C14orf39: variants seen among roughly 807,000 people sequenced by gnomAD.
C14orf39 encodes protein SIX6OS1.
In C14orf39, 66 loss-of-function variants were observed where a neutral mutation model predicts 85.6. The ratio of observed to expected loss-of-function variants is 0.77; its 90% CI spans 0.63 to 0.95. The LOEUF (loss-of-function observed/expected upper bound fraction) is 0.95. Ranked by LOEUF, C14orf39 falls within the 40% of genes least tolerant of loss-of-function variation. The probability of loss-of-function intolerance (pLI) is 0.00; values close to 1 mark genes in which losing one functional copy is unlikely to be tolerated. For missense variants in C14orf39, 735 were observed against 663.9 expected (o/e 1.11, Z -1.18); for synonymous variants, 242 against 214.0 (o/e 1.13, Z -1.14).
intron 1 of C14orf39, chr14:60,509,095 G>A (rs1893248451): frequency 2.2e-6 from 1 of 457,420 alleles, no homozygotes; most frequent in African/African-American, 2.1e-5. Flanking sequence ...GAGCCACCCG[G>A]TGACTGACAG....
chr14:60,447,893 A>G (rs1452587535), intron 16 of C14orf39, among the ~76,000 whole-genome samples: 1 of 152,166 alleles, frequency 6.6e-6, no homozygotes, highest in Non-Finnish European at 1.5e-5. Context: ...AACACCACAC[A>G]TGTACAACCA....
chr14:60,457,489 C>T (rs1034063972), intron 14 of C14orf39, among the ~76,000 whole-genome samples: 4 of 151,854 alleles, frequency 2.6e-5, no homozygotes, highest in African/African-American at 9.7e-5. Flanking sequence ...AGCAATCTTG[C>T]TCTCATTGAT....
chr14:60,439,500 C>G (rs1890406915), intron 17 of C14orf39, among the ~76,000 whole-genome samples: 1 of 152,104 alleles, frequency 6.6e-6, no homozygotes, highest in African/African-American at 2.4e-5. Flanking sequence ...AATGTAGTCA[C>G]AGTCACAGAG....
At chr14:60,481,409 C>T (rs1306303675) in intron 4 of C14orf39, among the ~76,000 whole-genome samples, 1 of 152,068 alleles carries the variant, frequency 6.6e-6, no homozygotes, top group African/African-American at 2.4e-5. Flanking sequence ...ATAATCCCAG[C>T]ACTTTGGGAG....
chr14:60,449,808 T>G (rs981600869), intron 16 of C14orf39, among the ~76,000 whole-genome samples: 3 of 152,248 alleles, frequency 2.0e-5, no homozygotes, highest in Non-Finnish European at 4.4e-5. Flanking sequence ...TTTAGGCCTT[T>G]CTTCTTTTTA....
chr14:60,486,880 T>C (rs1446424820), upstream of C14orf39, among the ~76,000 whole-genome samples: 1 of 152,242 alleles, frequency 6.6e-6, no homozygotes, highest in Admixed American at 6.5e-5. Context: ...TTGGTATTAA[T>C]ATTCAACAAA....
chr14:60,438,266 A>C (rs1890350466), intron 17 of C14orf39, among the ~76,000 whole-genome samples: 1 of 152,086 alleles, frequency 6.6e-6, no homozygotes, highest in African/African-American at 2.4e-5. Context: ...AGACAGATGG[A>C]TAGATGGACA....
chr14:60,438,457 T>C (rs1002354053), intron 17 of C14orf39, among the ~76,000 whole-genome samples: 1 of 152,172 alleles, frequency 6.6e-6, no homozygotes, highest in Non-Finnish European at 1.5e-5. Context: ...GATTTTGTTT[T>C]TAATTTCACA....
At chr14:60,483,421 A>T (rs1021351892) in intron 4 of C14orf39, among the ~76,000 whole-genome samples, 1 of 152,206 alleles carries the variant, frequency 6.6e-6, no homozygotes, top group African/African-American at 2.4e-5. Flanking sequence ...ATTGTTTCAA[A>T]TATATTTAAT....
intron 1 of C14orf39, chr14:60,511,538 AC>A (rs1231953590): frequency 1.8e-6 from 1 of 557,268 alleles, no homozygotes; most frequent in Non-Finnish European, 3.2e-6. Context: ...CTCCTTCGGA[AC>A]CCGAACTGCA....
At chr14:60,474,152 T>G (rs1892247969) in intron 5 of C14orf39, among the ~76,000 whole-genome samples, 1 of 152,202 alleles carries the variant, frequency 6.6e-6, no homozygotes, top group Non-Finnish European at 1.5e-5. Flanking sequence ...AGGTATTTTA[T>G]TCTCTTTGAA....
In C14orf39 at chr14:60,465,851, AACACACACACACACACAC is replaced by A. The variant is rs10529202; in HGVS notation, c.972+110_972+127del. The A allele has an allele frequency of 2.5e-3, 1,044 of 414,942 alleles. 6 individuals carry two copies. The highest frequency in any genetic ancestry group is 0.018 in the African/African-American group (868 of 47,706). 25.7% of individuals were successfully genotyped at this position (414,942 alleles called of 1,614,324 possible). The stretch of plus-strand genomic sequence containing the variant: ...CTAATGGCTGATTTAATAAATTTAT[AACACACACACACACACAC>A]ACACACACACACACACACACACACG... On this transcript the variant is annotated intron_variant, in intron 11 of 17. Transcript: ENST00000321731.
chr14:60,469,770 G>A (rs1595470330), intron 7 of C14orf39, 117 bp from the exon 8 acceptor site: 1 of 467,216 alleles, frequency 2.1e-6, no homozygotes, highest in Non-Finnish European at 3.4e-6. Flanking sequence ...CATATAAACA[G>A]TAAGCAATAT....
intron 5 of C14orf39, among the ~76,000 whole-genome samples, chr14:60,476,017 A>AT (rs1892359420): frequency 1.3e-5 from 2 of 152,282 alleles, no homozygotes; most frequent in South Asian, 4.1e-4. Flanking sequence ...TAAGGATAAC[A>AT]GCCCTGTGCT....
At chr14:60,503,417 T>A (rs1372833070) in intron 1 of C14orf39, among the ~76,000 whole-genome samples, 1 of 152,180 alleles carries the variant, frequency 6.6e-6, no homozygotes, top group Non-Finnish European at 1.5e-5. Flanking sequence ...TTAACCACTA[T>A]TTGTGTGTGA....
At chr14:60,501,514 G>C (rs1893147702) in intron 1 of C14orf39, among the ~76,000 whole-genome samples, 1 of 152,140 alleles carries the variant, frequency 6.6e-6, no homozygotes, top group Non-Finnish European at 1.5e-5. Flanking sequence ...CTCTGGAGAG[G>C]ATATCGCCCT....
At position 60,478,304 on chromosome 14, in the gene C14orf39, C is replaced by T; in HGVS notation, c.319G>A (p.Asp107Asn). 1 of 1,518,146 alleles carries T rather than the reference C, an allele frequency of 6.6e-7. No homozygotes were observed. Among genetic ancestry groups the T allele is most frequent in the East Asian group, 2.4e-5 (1 of 42,246 alleles). 94.0% of individuals were successfully genotyped at this position (1,518,146 alleles called of 1,614,324 possible). A position where few individuals can be genotyped will look rare whatever the true frequency, so the allele number is the denominator to read the frequency against. The change falls in exon 5 of 18, where the codon GAC becomes AAC. Residue 107 changes from aspartate to asparagine, a missense_variant. Coordinates refer to ENST00000321731, the MANE Select transcript of C14orf39 (RefSeq NM_174978.3). ...FTVYQGTVEK[D>N]KEMYHDYICQ... ...AACTTCATATAAGTACTATACTTGTCTTTTTCAACAGTTCCTTGATAAACA... is the reference window on the plus strand; with the variant it reads ...AACTTCATATAAGTACTATACTTGTTTTTTTCAACAGTTCCTTGATAAACA...
At chr14:60,509,722 A>C in intron 1 of C14orf39, 1 of 1,614,118 alleles carries the variant, frequency 6.2e-7, no homozygotes, top group Non-Finnish European at 8.5e-7. Flanking sequence ...GACCCCTGGG[A>C]CCTGTGGACA....
At chr14:60,492,140 A>AT (rs398025298) in intron 2 of C14orf39, among the ~76,000 whole-genome samples, 44 of 151,506 alleles carry the variant, frequency 2.9e-4, no homozygotes, top group East Asian at 1.7e-3. Context: ...TTTAAAAAAA[A>AT]TTTTTTTATC....
Sources: allele counts gnomAD v4.1 joint callset (sites outside exome capture counted in the v4.1 genomes callset), GRCh38; gene constraint gnomAD v4.1.1; transcripts MANE v1.5; gene names NCBI Gene and HGNC (gene_info 2026-07-23, HGNC 2026-07-21).